The following C10orf90 variants were observed in gnomAD, a reference collection of about 807,000 sequenced individuals.
C10orf90 encodes the protein (E2-independent) E3 ubiquitin-conjugating enzyme FATS.
In C10orf90, 56 loss-of-function variants were observed where a neutral mutation model predicts 62.5. The observed-to-expected ratio is 0.90, with a 90% CI of 0.72 to 1.12. C10orf90 has a LOEUF of 1.12. C10orf90 is among the 50% of genes most tolerant of loss of function. The pLI is 0.00. For missense variants in C10orf90, 970 were observed against 880.4 expected (o/e 1.10, Z -1.29); for synonymous variants, 386 against 340.4 (o/e 1.13, Z -1.47).
intron 7 of C10orf90, among the ~76,000 whole-genome samples, chr10:126,435,439 G>T (rs986807206): frequency 6.6e-6 from 1 of 152,196 alleles, no homozygotes; most frequent in African/African-American, 2.4e-5. Flanking sequence ...CCATCTTGCA[G>T]CTTCCATGGA....
chr10:126,462,259 C>A (rs531128436), intron 5 of C10orf90, among the ~76,000 whole-genome samples: 3 of 152,244 alleles, frequency 2.0e-5, no homozygotes, highest in African/African-American at 7.2e-5. Flanking sequence ...CTGTCCTTAG[C>A]TCACCCCTCC....
intron 4 of C10orf90, among the ~76,000 whole-genome samples, chr10:126,473,499 A>G (rs533432130): frequency 3.3e-5 from 5 of 152,296 alleles, no homozygotes; most frequent in South Asian, 2.1e-4. Context: ...TGGTCCACAC[A>G]GTATTTAGTG....
chr10:126,663,402 C>T (rs896425603), intron 1 of C10orf90, among the ~76,000 whole-genome samples: 3 of 152,198 alleles, frequency 2.0e-5, no homozygotes, highest in African/African-American at 7.2e-5. Flanking sequence ...AGATGGAATC[C>T]TCCTTCCGCC....
At chr10:126,660,112 C>T (rs531589597) in intron 1 of C10orf90, among the ~76,000 whole-genome samples, 2 of 152,318 alleles carry the variant, frequency 1.3e-5, no homozygotes, top group South Asian at 4.1e-4. Flanking sequence ...GTGTGGCAGG[C>T]CAAATACTCA....
At chr10:126,661,866 A>C (rs1269927968) in intron 1 of C10orf90, among the ~76,000 whole-genome samples, 1 of 152,008 alleles carries the variant, frequency 6.6e-6, no homozygotes, top group Non-Finnish European at 1.5e-5. Flanking sequence ...TAAATCCTTG[A>C]ATTTAAAGGG....
intron 2 of C10orf90, among the ~76,000 whole-genome samples, chr10:126,588,316 C>T (rs948517132): frequency 1.3e-5 from 2 of 152,224 alleles, no homozygotes; most frequent in Admixed American, 1.3e-4. Flanking sequence ...ATGGTGCACC[C>T]ACACTGCCAA....
chr10:126,502,170 G>A (rs1862445509), intron 4 of C10orf90, among the ~76,000 whole-genome samples: 1 of 151,814 alleles, frequency 6.6e-6, no homozygotes, highest in Admixed American at 6.6e-5. Context: ...CTACTTGGGT[G>A]ACGGGTGCCC....
intron 2 of C10orf90, among the ~76,000 whole-genome samples, chr10:126,542,564 G>C (rs1348457686): frequency 6.6e-6 from 1 of 152,078 alleles, no homozygotes; most frequent in Non-Finnish European, 1.5e-5. Context: ...CTAGATAAAA[G>C]TGTTTGTTGC....
At chr10:126,620,349 C>T (rs1036771621) in intron 2 of C10orf90, among the ~76,000 whole-genome samples, 3 of 152,202 alleles carry the variant, frequency 2.0e-5, no homozygotes, top group African/African-American at 7.2e-5. Context: ...CTGTGCCACA[C>T]ACCGGGTGAC....
chr10:126,561,827 G>A (rs912522605), intron 2 of C10orf90, among the ~76,000 whole-genome samples: 2 of 152,178 alleles, frequency 1.3e-5, no homozygotes, highest in Admixed American at 6.5e-5. Flanking sequence ...CTGAGCGCCA[G>A]TCAACACCTC....
Position 126,517,867 on chromosome 10 carries a change from G to A in C10orf90, c.314-3928C>T, listed in dbSNP as rs116809469. On this transcript the variant is annotated intron_variant, in intron 2 of 9. Coordinates refer to ENST00000488181, the MANE Select transcript of C10orf90 (RefSeq NM_001350921.2). ...AGAGGTTATAGTGAGCTGAGATCAC[G>A]CCATCGCACTCCAGCCTGGCAACAC... Among the ~76,000 whole-genome samples, 918 of 135,708 alleles carry A rather than the reference G, an allele frequency of 6.8e-3. 10 individuals are homozygous for A. The highest frequency in any genetic ancestry group is 0.024 in the African/African-American group (867 of 35,810). 89.0% of individuals were successfully genotyped at this position (135,708 alleles called of 152,430 possible).
chr10:126,582,011 G>A, intron 2 of C10orf90, among the ~76,000 whole-genome samples: 1 of 152,180 alleles, frequency 6.6e-6, no homozygotes, highest in South Asian at 2.1e-4. Context: ...CTGGGAGGGA[G>A]CAAGGGGACA....
rs148256969 is a variant in C10orf90 at position 126,493,466 on chromosome 10, T to C, written c.1534+10491A>G. 3.8e-3 allele frequency among the ~76,000 whole-genome samples: 572 copies of C among 152,152 alleles called. 2 individuals are homozygous for C. Among genetic ancestry groups the C allele is most frequent in the African/African-American group, 0.012 (518 of 41,526 alleles). On this transcript the variant is annotated intron_variant, in intron 4 of 9. Coordinates refer to ENST00000488181, the MANE Select transcript of C10orf90 (RefSeq NM_001350921.2). ...ACCTCTGCCTCCCAGGTTCATGTGATTCATCTGCCTAAGTCTCGCAAGTAG... is the reference window on the plus strand; with the variant it reads ...ACCTCTGCCTCCCAGGTTCATGTGACTCATCTGCCTAAGTCTCGCAAGTAG...
intron 2 of C10orf90, among the ~76,000 whole-genome samples, chr10:126,545,247 G>T (rs897495052): frequency 6.6e-6 from 1 of 152,124 alleles, no homozygotes; most frequent in African/African-American, 2.4e-5. Flanking sequence ...AGGTGAAATT[G>T]AGTGTAGTAA....
intron 2 of C10orf90, among the ~76,000 whole-genome samples, chr10:126,640,315 A>G (rs2133842536): frequency 6.6e-6 from 1 of 152,288 alleles, no homozygotes; most frequent in African/African-American, 2.4e-5. Context: ...AGAAAGGCAG[A>G]TGTTTTCCCC....
intron 4 of C10orf90, among the ~76,000 whole-genome samples, chr10:126,494,500 A>G (rs1861933722): frequency 1.3e-5 from 2 of 152,160 alleles, no homozygotes; most frequent in South Asian, 4.1e-4. Context: ...TCTGGAAAAA[A>G]GAAAGAATTT....
chr10:126,595,667 T>C (rs1845069747), intron 2 of C10orf90, among the ~76,000 whole-genome samples: 1 of 152,116 alleles, frequency 6.6e-6, no homozygotes, highest in Non-Finnish European at 1.5e-5. Context: ...CGTTCCCCCA[T>C]CTTATAACTC....
chr10:126,609,205 C>A (rs1175667703), intron 2 of C10orf90, among the ~76,000 whole-genome samples: 1 of 152,276 alleles, frequency 6.6e-6, no homozygotes, highest in East Asian at 1.9e-4. Context: ...GAGTTTAAGA[C>A]CAGCTTGGCC....
At chr10:126,497,235 T>C (rs1361875905) in intron 4 of C10orf90, among the ~76,000 whole-genome samples, 2 of 152,072 alleles carry the variant, frequency 1.3e-5, no homozygotes, top group African/African-American at 2.4e-5. Flanking sequence ...CAAGGTTGAA[T>C]TGCAGTGGGC....
Sources: gnomAD v4.1 joint callset for allele counts (sites outside exome capture counted in the v4.1 genomes callset) on GRCh38, gnomAD v4.1.1 for gene constraint, MANE v1.5 for transcripts, NCBI Gene and HGNC (gene_info 2026-07-23, HGNC 2026-07-21) for gene names.